UGT1A9: variants seen among roughly 807,000 people sequenced by gnomAD.
The protein encoded by UGT1A9 is UDP glucuronosyltransferase family 1 member A9.
A neutral mutation model predicts 45.0 loss-of-function variants in UGT1A9; 35 were observed. The ratio of observed to expected loss-of-function variants is 0.78; its 90% confidence interval spans 0.59 to 1.03. UGT1A9 has a LOEUF of 1.03. Among genes scored for constraint, UGT1A9 ranks in the 50% least tolerant of loss-of-function variants. The probability of loss-of-function intolerance (pLI) is 0.00; values close to 1 mark genes in which losing one functional copy is unlikely to be tolerated. For missense variants in UGT1A9, 687 were observed against 666.6 expected, an observed-to-expected ratio of 1.03 and a Z score of -0.34; for synonymous variants, 278 against 250.6, an observed-to-expected ratio of 1.11 and a Z score of -1.03.
At chr2:233,729,082 G>C (rs2077787378) in intron 1 of UGT1A9, 1 of 1,612,252 alleles carries the variant, frequency 6.2e-7, no homozygotes, top group Non-Finnish European at 8.5e-7. Context: ...AATGTAGCAG[G>C]CACAGCGTGG....
chr2:233,735,745 A>T lies in UGT1A9; in HGVS notation c.856-31289A>T, dbSNP rs1416726513. Among the ~76,000 whole-genome samples, 5 of 152,186 alleles carry T rather than the reference A, an allele frequency of 3.3e-5. No individual in the cohort carries two copies. The East Asian group carries it at 9.6e-4, about 29-fold the overall frequency. ...CTCAGCATTTGCTTGTCTATAAAGG[A>T]TTTTATTTCTCCTTCACTTATGAAG... On this transcript the variant is annotated intron_variant, in intron 1 of 4. Coordinates refer to ENST00000354728, the MANE Select transcript of UGT1A9 (RefSeq NM_021027.3).
At chr2:233,691,929 A>G (rs2075065519) in intron 1 of UGT1A9, 1 of 152,370 alleles carries the variant, frequency 6.6e-6, no homozygotes, top group African/African-American at 2.4e-5. Flanking sequence ...GGAGCGATAA[A>G]CGTGAACAAA....
chr2:233,698,902 C>A (rs1021221602), intron 1 of UGT1A9, among the ~76,000 whole-genome samples: 2 of 152,214 alleles, frequency 1.3e-5, no homozygotes, highest in Non-Finnish European at 2.9e-5. Flanking sequence ...GCCTCCTCTG[C>A]CCAAGGAGGG....
intron 1 of UGT1A9, among the ~76,000 whole-genome samples, chr2:233,695,077 T>A (rs1176900658): frequency 6.6e-6 from 1 of 152,172 alleles, no homozygotes; most frequent in Non-Finnish European, 1.5e-5. Context: ...ACTTTGGACT[T>A]ACTCATTCTA....
chr2:233,770,501 T>C (rs956860149), intron 4 of UGT1A9: 6 of 151,776 alleles, frequency 4.0e-5, no homozygotes, highest in African/African-American at 1.5e-4. Context: ...CAAAAAAATA[T>C]AAAAAAATTA....
intron 1 of UGT1A9, chr2:233,682,523 G>C: frequency 4.3e-6 from 7 of 1,613,852 alleles, no homozygotes; most frequent in Non-Finnish European, 5.9e-6. Flanking sequence ...ACTTCTCTTA[G>C]GGTTCTCAGA....
chr2:233,704,869 C>G (rs1043405753), intron 1 of UGT1A9, among the ~76,000 whole-genome samples: 1 of 152,166 alleles, frequency 6.6e-6, no homozygotes, highest in Non-Finnish European at 1.5e-5. Flanking sequence ...CACGGTGGCT[C>G]ACTCCTGTAA....
chr2:233,749,673 G>A (rs1300627499), intron 1 of UGT1A9, among the ~76,000 whole-genome samples: 14 of 151,746 alleles, frequency 9.2e-5, no homozygotes, highest in African/African-American at 1.7e-4. Context: ...TAATCCCCAC[G>A]TGTCAAGGAC....
Position 233,772,848 on chromosome 2 carries a change from A to T in UGT1A9, c.*289A>T. 1.3e-6 allele frequency: 1 copy of T among 775,120 alleles called. No homozygotes were observed. Among genetic ancestry groups the T allele is most frequent in the Non-Finnish European group, 1.8e-6 (1 of 542,660 alleles). The allele number at this position is 775,120 out of a possible 1,614,324, so 48.0% of individuals were successfully genotyped here. ...GCTGGCATTCTAGATTACTTTTCTT[A>T]CTCTGAAACATGGCCTGTTTGGGAG... On this transcript the variant is annotated 3_prime_UTR_variant, in exon 5 of 5. Coordinates refer to ENST00000354728, the MANE Select transcript of UGT1A9 (RefSeq NM_021027.3).
intron 1 of UGT1A9, among the ~76,000 whole-genome samples, chr2:233,676,834 C>A (rs1464866741): frequency 6.6e-6 from 1 of 152,140 alleles, no homozygotes. Flanking sequence ...AAAAACAGAA[C>A]CTTTTCTCCA....
At chr2:233,690,271 T>C (rs1031936949) in intron 1 of UGT1A9, among the ~76,000 whole-genome samples, 3 of 152,182 alleles carry the variant, frequency 2.0e-5, no homozygotes, top group Non-Finnish European at 2.9e-5. Context: ...ATTTTGCAGG[T>C]CCTTTGAAAT....
chr2:233,773,091 G>A lies in UGT1A9; in HGVS notation c.*532G>A, dbSNP rs1278315823. 2 of 162,100 alleles carry A rather than the reference G, an allele frequency of 1.2e-5. No homozygotes were observed. The highest frequency in any genetic ancestry group is 4.8e-5 in the African/African-American group (2 of 41,532). The allele number at this position is 162,100 out of a possible 1,614,324, so 10.0% of individuals were successfully genotyped here. ...ATGAATGAATGGCTTGGAGTGCACT[G>A]AGAACAGCATATGATTTCTTGCTTT... On this transcript the variant is annotated 3_prime_UTR_variant, in exon 5 of 5. Transcript: ENST00000354728.
Position 233,672,147 on chromosome 2 carries a change from T to C in UGT1A9, c.213T>C (p.Asn71=). 6.2e-7 allele frequency: 1 copy of C among 1,614,166 alleles called. No homozygotes were observed. The highest frequency in any genetic ancestry group is 8.5e-7 in the Non-Finnish European group (1 of 1,180,014). Residue 71 remains asparagine, a synonymous_variant, in exon 1 of 5, where the codon AAT becomes AAC. Coordinates refer to ENST00000354728, the MANE Select transcript of UGT1A9 (RefSeq NM_021027.3). ...GTTGGCAACTGGGAAGATCACTGAA[T>C]TGCACAGTGAAGACTTATTCAACTT... ...EVSWQLGRSL[N]CTVKTYSTSY...
At chr2:233,707,162 C>A (rs2075944587) in intron 1 of UGT1A9, among the ~76,000 whole-genome samples, 1 of 152,100 alleles carries the variant, frequency 6.6e-6, no homozygotes, top group Non-Finnish European at 1.5e-5. Context: ...TTATCAGCAC[C>A]CAGACATCCA....
At chr2:233,723,435 C>T (rs1211906407) in intron 1 of UGT1A9, among the ~76,000 whole-genome samples, 2 of 136,680 alleles carry the variant, frequency 1.5e-5, no homozygotes, top group East Asian at 4.4e-4. Context: ...GTCTCGAACT[C>T]CTGACCTCAG....
intron 1 of UGT1A9, chr2:233,713,205 G>C: frequency 6.2e-7 from 1 of 1,614,240 alleles, no homozygotes; most frequent in Non-Finnish European, 8.5e-7. Context: ...CATCAAAGAA[G>C]AGAACTTTTT....
chr2:233,713,246 C>T (rs2076296545), intron 1 of UGT1A9: 1 of 1,614,080 alleles, frequency 6.2e-7, no homozygotes, highest in African/African-American at 1.3e-5. Context: ...TTTCATGGAC[C>T]CAGGACGAAT....
chr2:233,729,088 C>T (rs369653208), intron 1 of UGT1A9: 20 of 1,612,314 alleles, frequency 1.2e-5, no homozygotes, highest in African/African-American at 8.0e-5. Flanking sequence ...GCAGGCACAG[C>T]GTGGGGTGGA....
chr2:233,765,014 C>G (rs1352821222), intron 1 of UGT1A9, among the ~76,000 whole-genome samples: 2 of 151,988 alleles, frequency 1.3e-5, no homozygotes, highest in Non-Finnish European at 1.5e-5. Context: ...CCAAATCAGG[C>G]TTGGCAGGAG....
Sources: allele counts gnomAD v4.1 joint callset (sites outside exome capture counted in the v4.1 genomes callset), GRCh38; gene constraint gnomAD v4.1.1; transcripts MANE v1.5; gene names NCBI Gene and HGNC (gene_info 2026-07-23, HGNC 2026-07-21).